Variants in UBE2E2 observed in about 807,000 individuals in gnomAD.
The protein encoded by UBE2E2 is ubiquitin-conjugating enzyme E2 E2.
In UBE2E2, 6 loss-of-function variants were observed where a neutral mutation model predicts 24.7. The ratio of observed to expected loss-of-function variants is 0.24; its 90% CI spans 0.13 to 0.48. The LOEUF (loss-of-function observed/expected upper bound fraction) is 0.48, where lower values mean the gene tolerates loss of function less well. Ranked by LOEUF, UBE2E2 falls within the 20% of genes least tolerant of loss-of-function variation. UBE2E2 has a pLI of 0.99. For missense variants in UBE2E2, 169 were observed against 245.0 expected (o/e 0.69, Z 2.07); for synonymous variants, 104 against 83.6 (o/e 1.24, Z -1.33).
At chr3:23,515,228 A>G (rs1325704986) in intron 4 of UBE2E2, among the ~76,000 whole-genome samples, 1 of 152,092 alleles carries the variant, frequency 6.6e-6, no homozygotes, top group Admixed American at 6.6e-5. Flanking sequence ...AGCTGTTAAC[A>G]GTTGGTGAGT....
intron 3 of UBE2E2, among the ~76,000 whole-genome samples, chr3:23,395,699 G>A (rs1233849008): frequency 6.6e-6 from 1 of 152,064 alleles, no homozygotes; most frequent in African/African-American, 2.4e-5. Flanking sequence ...TGCTAACAAG[G>A]GCATAGTCTT....
rs375925610 is a variant in UBE2E2 at position 23,409,683 on chromosome 3, A to G, written c.228-89925A>G. 1.9e-4 allele frequency among the ~76,000 whole-genome samples: 29 copies of G among 152,296 alleles called. No homozygotes were observed. In the East Asian group the frequency reaches 5.6e-3, roughly 29 times the overall value. Reference sequence around the variant, plus strand: ...TACACAAAATAGGTGGCTTAAAACAAAAGAAATTTATTCTCTTGCAGTTCC... The same window carrying G: ...TACACAAAATAGGTGGCTTAAAACAGAAGAAATTTATTCTCTTGCAGTTCC... On this transcript the variant is annotated intron_variant, in intron 3 of 5. Coordinates refer to ENST00000396703, the MANE Select transcript of UBE2E2 (RefSeq NM_152653.4).
chr3:23,441,359 C>T (rs538859120), intron 3 of UBE2E2, among the ~76,000 whole-genome samples: 1 of 103,766 alleles, frequency 9.6e-6, no homozygotes, highest in Non-Finnish European at 1.9e-5. Context: ...CACGTCTCTA[C>T]TAAAAATCCA....
intron 3 of UBE2E2, among the ~76,000 whole-genome samples, chr3:23,310,444 A>G (rs188018855): frequency 1.3e-5 from 2 of 152,246 alleles, no homozygotes; most frequent in East Asian, 3.9e-4. Context: ...TTATTGTTAC[A>G]TGTTTAGACT....
rs139533526 is a variant in UBE2E2 at position 23,546,286 on chromosome 3, C to T, written c.508+13585C>T. 6.3e-4 allele frequency among the ~76,000 whole-genome samples: 96 copies of T among 152,004 alleles called. 4 individuals carry two copies. The East Asian group carries it at 0.015, about 24-fold the overall frequency. The stretch of plus-strand genomic sequence containing the variant: ...TTTTGGAGTTACCCTTAAAAATTAC[C>T]AGTGACCTATTTTTGTTGTCATTGT... On this transcript the variant is annotated intron_variant, in intron 5 of 5. Transcript: ENST00000396703.
At chr3:23,584,726 G>GTTTT (rs1158915900) in intron 5 of UBE2E2, among the ~76,000 whole-genome samples, 200 of 113,486 alleles carry the variant, frequency 1.8e-3, no homozygotes, top group Non-Finnish European at 2.1e-3. Context: ...GCTGTTTTTT[G>GTTTT]TTTTTTTTTT....
chr3:23,533,103 A>G (rs1208554856), intron 5 of UBE2E2, among the ~76,000 whole-genome samples: 1 of 152,234 alleles, frequency 6.6e-6, no homozygotes, highest in African/African-American at 2.4e-5. Context: ...AGGCAGCACC[A>G]TGCAGACGTG....
intron 5 of UBE2E2, among the ~76,000 whole-genome samples, chr3:23,532,933 T>C (rs1023895652): frequency 8.5e-5 from 13 of 152,108 alleles, no homozygotes; most frequent in African/African-American, 3.1e-4. Flanking sequence ...AAAAAAATAA[T>C]GAAAAATCAT....
intron 4 of UBE2E2, among the ~76,000 whole-genome samples, chr3:23,511,261 C>T (rs35027557): frequency 1.3e-5 from 2 of 152,156 alleles, no homozygotes; most frequent in African/African-American, 4.8e-5. Context: ...ATTGTGACAA[C>T]AAAAATTTCT....
At chr3:23,504,674 C>T (rs745623115) in intron 4 of UBE2E2, among the ~76,000 whole-genome samples, 1 of 152,096 alleles carries the variant, frequency 6.6e-6, no homozygotes, top group Non-Finnish European at 1.5e-5. Context: ...ATTTATTTGA[C>T]TACCTGTGAA....
At position 23,361,364 on chromosome 3, in the gene UBE2E2, A is replaced by G. The variant is rs886509789; in HGVS notation, c.228-138244A>G. On this transcript the variant is annotated intron_variant, in intron 3 of 5. Transcript: ENST00000396703. ...AGGAAAATAAGTCATTATGTGAAAAAGACAACATGCACACACATGTTTATA... is the reference window on the plus strand; with the variant it reads ...AGGAAAATAAGTCATTATGTGAAAAGGACAACATGCACACACATGTTTATA... Among the ~76,000 whole-genome samples the G allele has an allele frequency of 2.7e-5, 4 of 150,430 alleles. 1 individual carries two copies. Among genetic ancestry groups the G allele is most frequent in the Admixed American group, 2.6e-4 (4 of 15,104 alleles).
chr3:23,364,301 T>G (rs185447048), intron 3 of UBE2E2, among the ~76,000 whole-genome samples: 2 of 151,894 alleles, frequency 1.3e-5, no homozygotes, highest in African/African-American at 4.8e-5. Flanking sequence ...GAAACTGAGA[T>G]GTAAAAAACC....
chr3:23,404,915 A>C (rs144071431), intron 3 of UBE2E2, among the ~76,000 whole-genome samples: 12 of 152,326 alleles, frequency 7.9e-5, no homozygotes, highest in Non-Finnish European at 5.9e-5. Context: ...CAAGTAGTTA[A>C]CACATTCTAT....
chr3:23,558,032 A>G (rs545575765), intron 5 of UBE2E2, among the ~76,000 whole-genome samples: 5 of 152,346 alleles, frequency 3.3e-5, no homozygotes, highest in African/African-American at 9.6e-5. Flanking sequence ...GTTTTTCTCT[A>G]GAGTGATATC....
At chr3:23,227,916 A>G (rs1257060319) in intron 3 of UBE2E2, among the ~76,000 whole-genome samples, 1 of 152,158 alleles carries the variant, frequency 6.6e-6, no homozygotes, top group Non-Finnish European at 1.5e-5. Flanking sequence ...TACTGCCAAG[A>G]GTATGTTTTC....
chr3:23,307,139 A>G (rs1183694966), intron 3 of UBE2E2, among the ~76,000 whole-genome samples: 1 of 152,192 alleles, frequency 6.6e-6, no homozygotes, highest in Admixed American at 6.6e-5. Context: ...TGGTGCCCAC[A>G]TTTGATGACT....
At chr3:23,507,444 A>G (rs1043703460) in intron 4 of UBE2E2, among the ~76,000 whole-genome samples, 3 of 152,222 alleles carry the variant, frequency 2.0e-5, no homozygotes, top group African/African-American at 7.2e-5. Flanking sequence ...AATCTCATCC[A>G]TGTAGAACAA....
At chr3:23,540,149 G>A (rs150985375) in intron 5 of UBE2E2, among the ~76,000 whole-genome samples, 2 of 151,424 alleles carry the variant, frequency 1.3e-5, no homozygotes, top group South Asian at 4.2e-4. Context: ...CTGCAGCTTC[G>A]AACTCCTGCA....
At chr3:23,462,732 T>A (rs890906267) in intron 3 of UBE2E2, among the ~76,000 whole-genome samples, 6 of 152,172 alleles carry the variant, frequency 3.9e-5, no homozygotes, top group African/African-American at 1.4e-4. Flanking sequence ...ATCTTTTGCA[T>A]CCCTCATTAT....
Sources: allele counts gnomAD v4.1 joint callset (sites outside exome capture counted in the v4.1 genomes callset), GRCh38; gene constraint gnomAD v4.1.1; transcripts MANE v1.5; gene names NCBI Gene and HGNC (gene_info 2026-07-23, HGNC 2026-07-21).